Variants in CNTN5 observed in about 807,000 individuals in gnomAD.
CNTN5 encodes the protein contactin 5.
A neutral mutation model predicts 129.1 loss-of-function variants in CNTN5; 77 were observed. The ratio of observed to expected loss-of-function variants is 0.60; its 90% CI spans 0.50 to 0.72. The LOEUF (loss-of-function observed/expected upper bound fraction) is 0.72, where lower values mean the gene tolerates loss of function less well. CNTN5 is among the 30% of genes least tolerant of loss of function. The probability of loss-of-function intolerance (pLI) is 0.00; values close to 1 mark genes in which losing one functional copy is unlikely to be tolerated. For missense variants in CNTN5, 1,478 were observed against 1,328.8 expected, an observed-to-expected ratio of 1.11 and a Z score of -1.75; for synonymous variants, 509 against 465.6, an observed-to-expected ratio of 1.09 and a Z score of -1.20.
At chr11:99,785,780 A>G (rs1361958363) in intron 3 of CNTN5, among the ~76,000 whole-genome samples, 4 of 152,160 alleles carry the variant, frequency 2.6e-5, no homozygotes, top group Admixed American at 1.3e-4. Flanking sequence ...TAGATGTAGA[A>G]AAAGCCTTTG....
In CNTN5 at chr11:100,002,612, A is replaced by G. The variant is rs371352692; in HGVS notation, c.980+476A>G. ...GTATCTCCTGAAATCATAACTTAAT[A>G]GCACCAGCTGTCAATATGTACAACA... On this transcript the variant is annotated intron_variant, in intron 9 of 24. Coordinates refer to ENST00000524871, the MANE Select transcript of CNTN5 (RefSeq NM_014361.4). Among the ~76,000 whole-genome samples the G allele has an allele frequency of 6.6e-5, 10 of 152,276 alleles. No individual in the cohort carries two copies. In the East Asian group the frequency reaches 1.9e-3, roughly 29 times the overall value.
At chr11:99,782,116 A>T (rs1206135401) in intron 3 of CNTN5, among the ~76,000 whole-genome samples, 1 of 151,490 alleles carries the variant, frequency 6.6e-6, no homozygotes, top group Non-Finnish European at 1.5e-5. Flanking sequence ...GCTGATAAGC[A>T]ACTTCAGCAA....
At position 100,251,966 on chromosome 11, in the gene CNTN5, CTT is replaced by C. The variant is rs1949970760; in HGVS notation, c.2006-3792_2006-3791del. ...AATTGCGGGATCACATGGCAGTTCT[CTT>C]TGTAGTTTTTTGAGGATCCTCTGTA... On this transcript the variant is annotated intron_variant, in intron 16 of 24. Transcript: ENST00000524871. Among the ~76,000 whole-genome samples, 5 of 152,156 alleles carry C rather than the reference CTT, an allele frequency of 3.3e-5. 1 individual carries two copies. The South Asian group carries it at 1.0e-3, about 32-fold the overall frequency.
chr11:100,256,976 G>T (rs1950085021), intron 17 of CNTN5, among the ~76,000 whole-genome samples: 1 of 152,118 alleles, frequency 6.6e-6, no homozygotes, highest in South Asian at 2.1e-4. Flanking sequence ...TAGAAAGGGG[G>T]CTGAAGCCAG....
intron 9 of CNTN5, among the ~76,000 whole-genome samples, chr11:100,027,857 T>C (rs1309692445): frequency 6.6e-6 from 1 of 152,238 alleles, no homozygotes; most frequent in Non-Finnish European, 1.5e-5. Flanking sequence ...CTGTCCTTTA[T>C]ATGCTGATGC....
At chr11:99,239,922 G>A (rs1439085952) in intron 1 of CNTN5, among the ~76,000 whole-genome samples, 1 of 143,106 alleles carries the variant, frequency 7.0e-6, no homozygotes, top group Admixed American at 7.1e-5. Context: ...GGGCGACAGA[G>A]CGAGACTCCG....
intron 2 of CNTN5, among the ~76,000 whole-genome samples, chr11:99,361,617 C>T (rs769541079): frequency 5.9e-5 from 9 of 152,090 alleles, no homozygotes; most frequent in African/African-American, 9.7e-5. Flanking sequence ...AAACAGAAAC[C>T]GTGTCCATTA....
At chr11:99,625,537 C>T (rs1320520613) in intron 3 of CNTN5, among the ~76,000 whole-genome samples, 2 of 152,014 alleles carry the variant, frequency 1.3e-5, no homozygotes, top group Admixed American at 6.6e-5. Flanking sequence ...ATTATTGTAA[C>T]AACTGTACCA....
chr11:100,008,009 A>C (rs1264920161), intron 9 of CNTN5, among the ~76,000 whole-genome samples: 1 of 152,016 alleles, frequency 6.6e-6, no homozygotes, highest in Non-Finnish European at 1.5e-5. Context: ...GAAATCCTGA[A>C]GAGAGGGAGA....
At chr11:99,364,034 A>AT (rs1215364290) in intron 2 of CNTN5, among the ~76,000 whole-genome samples, 17 of 152,252 alleles carry the variant, frequency 1.1e-4, no homozygotes, top group East Asian at 3.9e-4. Flanking sequence ...AAGAATCAAG[A>AT]TTTTTTGTGT....
chr11:99,705,018 C>G (rs1954693985), intron 3 of CNTN5, among the ~76,000 whole-genome samples: 1 of 151,240 alleles, frequency 6.6e-6, no homozygotes, highest in South Asian at 2.1e-4. Flanking sequence ...TTTGGCATTA[C>G]CTGTGGTTTA....
chr11:99,983,991 G>A lies in CNTN5; in HGVS notation c.878-18043G>A, dbSNP rs149656066. 6.6e-3 allele frequency among the ~76,000 whole-genome samples: 1,007 copies of A among 152,228 alleles called. 16 individuals carry two copies. The highest frequency in any genetic ancestry group is 0.022 in the African/African-American group (934 of 41,554). On this transcript the variant is annotated intron_variant, in intron 8 of 24. Coordinates refer to ENST00000524871, the MANE Select transcript of CNTN5 (RefSeq NM_014361.4). ...AAGAAATAAACAATTATGGGCAGCT[G>A]GGCATAGTGGCGACACCTGTTACCC...
At chr11:99,897,990 C>T (rs1949252912) in intron 6 of CNTN5, among the ~76,000 whole-genome samples, 1 of 151,962 alleles carries the variant, frequency 6.6e-6, no homozygotes, top group African/African-American at 2.4e-5. Flanking sequence ...GCAGGTTGAA[C>T]AACAGCATCA....
intron 3 of CNTN5, among the ~76,000 whole-genome samples, chr11:99,647,131 C>T (rs1003837009): frequency 6.6e-6 from 1 of 152,088 alleles, no homozygotes; most frequent in Non-Finnish European, 1.5e-5. Flanking sequence ...AGCATTTCCC[C>T]TATGTTTTCT....
intron 15 of CNTN5, among the ~76,000 whole-genome samples, chr11:100,221,738 C>A (rs1949270562): frequency 6.6e-6 from 1 of 151,868 alleles, no homozygotes; most frequent in African/African-American, 2.4e-5. Flanking sequence ...GTGTTAAGCA[C>A]TGGTTGTGGC....
intron 1 of CNTN5, among the ~76,000 whole-genome samples, chr11:99,063,908 C>T (rs978333624): frequency 2.0e-5 from 3 of 152,058 alleles, no homozygotes; most frequent in Non-Finnish European, 4.4e-5. Context: ...ATGTACATGA[C>T]TAAATAAGTG....
chr11:99,234,218 A>G (rs1478244970), intron 1 of CNTN5, among the ~76,000 whole-genome samples: 1 of 152,170 alleles, frequency 6.6e-6, no homozygotes, highest in Non-Finnish European at 1.5e-5. Flanking sequence ...GGAACTAGAG[A>G]GTGAGAATGA....
intron 2 of CNTN5, among the ~76,000 whole-genome samples, chr11:99,432,434 T>TCTTTC (rs1178224774): frequency 4.1e-5 from 6 of 147,212 alleles, no homozygotes; most frequent in African/African-American, 7.5e-5. Context: ...CTTTTCCTTT[T>TCTTTC]CTTTCCTTTT....
chr11:100,104,349 C>T (rs1012292690), intron 13 of CNTN5, among the ~76,000 whole-genome samples: 6 of 152,006 alleles, frequency 3.9e-5, no homozygotes, highest in Admixed American at 2.0e-4. Context: ...CCTGCCTTGG[C>T]CTCCCAAAGG....
Sources: gnomAD v4.1 joint callset for allele counts (sites outside exome capture counted in the v4.1 genomes callset) on GRCh38, gnomAD v4.1.1 for gene constraint, MANE v1.5 for transcripts, NCBI Gene and HGNC (gene_info 2026-07-23, HGNC 2026-07-21) for gene names.